The following NBAS variants were observed in gnomAD, a reference collection of about 807,000 sequenced individuals.
The protein encoded by NBAS is NBAS subunit of NRZ tethering complex.
A neutral mutation model predicts 302.5 loss-of-function variants in NBAS; 219 were observed. That is an observed-to-expected ratio of 0.72 (90% confidence interval 0.65 to 0.81). NBAS has a LOEUF of 0.81. Ranked by LOEUF, NBAS falls within the 30% of genes least tolerant of loss-of-function variation. NBAS has a pLI of 0.00. For synonymous variants in NBAS, 1,118 were observed against 1,021.6 expected, an observed-to-expected ratio of 1.09 and a Z score of -1.80; for missense variants, 2,932 against 2,841.6, an observed-to-expected ratio of 1.03 and a Z score of -0.72.
At chr2:14,852,959 C>T in the NBAS span, among the ~76,000 whole-genome samples, 30 of 147,900 alleles carry the variant, frequency 2.0e-4, no homozygotes, top group African/African-American at 7.6e-4. Flanking sequence ...GACCTAAAAC[C>T]ATAAAAACCC....
At chr2:15,229,351 A>AC (rs1572487478) in intron 47 of NBAS, among the ~76,000 whole-genome samples, 1 of 127,020 alleles carries the variant, frequency 7.9e-6, no homozygotes, top group African/African-American at 3.1e-5. Flanking sequence ...AAAAAACAAA[A>AC]AAAAAAAAAA....
At chr2:15,026,361 C>CA in the NBAS span, among the ~76,000 whole-genome samples, 228 of 41,720 alleles carry the variant, frequency 5.5e-3, 83 homozygotes, top group Non-Finnish European at 7.6e-3. Flanking sequence ...GAGGCTGAGG[C>CA]AGGAGAATGG....
At chr2:15,365,671 TTC>T (rs1053055440) in intron 32 of NBAS, among the ~76,000 whole-genome samples, 1 of 152,152 alleles carries the variant, frequency 6.6e-6, no homozygotes, top group African/African-American at 2.4e-5. Context: ...ATGCTATACC[TTC>T]ACACAGACTA....
At chr2:15,324,361 A>C (rs1671966123) in intron 38 of NBAS, among the ~76,000 whole-genome samples, 1 of 152,182 alleles carries the variant, frequency 6.6e-6, no homozygotes, top group Admixed American at 6.5e-5. Context: ...CTCTCCAGGT[A>C]TTGGAATAGC....
downstream of NBAS, among the ~76,000 whole-genome samples, chr2:15,166,058 G>A (rs557599824): frequency 6.6e-6 from 1 of 152,122 alleles, no homozygotes; most frequent in East Asian, 1.9e-4. Flanking sequence ...TGAGTCTCAG[G>A]GGGGGCGAAG....
At chr2:14,854,574 G>T in the NBAS span, among the ~76,000 whole-genome samples, 1 of 151,764 alleles carries the variant, frequency 6.6e-6, no homozygotes, top group Non-Finnish European at 1.5e-5. Context: ...TGCAGACCCC[G>T]CTCCTCCCCT....
intron 32 of NBAS, among the ~76,000 whole-genome samples, chr2:15,360,384 G>A (rs1483316482): frequency 6.7e-6 from 1 of 150,286 alleles, no homozygotes; most frequent in Admixed American, 6.6e-5. Context: ...GCCTAGGCTG[G>A]AGTGTAATGG....
rs1365394526 is a variant in NBAS, at chr2:15,330,730, G to A, written c.4215C>T (p.Asp1405=). 5 of 1,613,856 alleles carry A rather than the reference G, an allele frequency of 3.1e-6. No homozygotes were observed. The South Asian group carries it at 3.3e-5, about 11-fold the overall frequency. Residue 1405 remains aspartate (D), a synonymous_variant, in exon 36 of 52, where the codon GAC becomes GAT. Coordinates refer to ENST00000281513, the MANE Select transcript of NBAS (RefSeq NM_015909.4). Reference sequence around the variant, plus strand: ...TGGTAGCAGTGGTCCAGCGCAATAGGTCAGCTGAATTGCTACCTGGAACAC... The same window carrying A: ...TGGTAGCAGTGGTCCAGCGCAATAGATCAGCTGAATTGCTACCTGGAACAC... ...EVGVPGSNSA[D]LLRWTTATTM...
chr2:15,155,608 G>A, the NBAS span, among the ~76,000 whole-genome samples: 18,909 of 152,098 alleles, frequency 0.12, 1,479 homozygotes, highest in South Asian at 0.24. Flanking sequence ...TTGACTTCAG[G>A]AGCAGATGGT....
At position 15,420,233 on chromosome 2, in the gene NBAS, C is replaced by T. The variant is rs111928519; in HGVS notation, c.2578-2521G>A. On this transcript the variant is annotated intron_variant, in intron 23 of 51. Transcript: ENST00000281513. ...AACACCTTAAAAATATCACAGAAGC[C>T]GAAGAAGAATTACAAGAAAGAAGCA... Among the ~76,000 whole-genome samples, 1,080 of 152,070 alleles carry T rather than the reference C, an allele frequency of 7.1e-3. 10 individuals are homozygous for T. Among genetic ancestry groups the T allele is most frequent in the African/African-American group, 0.022 (919 of 41,458 alleles).
intron 48 of NBAS, among the ~76,000 whole-genome samples, chr2:15,216,006 T>C (rs569786875): frequency 1.3e-5 from 2 of 152,360 alleles, no homozygotes; most frequent in South Asian, 4.1e-4. Flanking sequence ...ACAATACTTC[T>C]GCATTCACTC....
At chr2:15,291,959 A>G (rs2148110706) in intron 41 of NBAS, among the ~76,000 whole-genome samples, 2 of 152,318 alleles carry the variant, frequency 1.3e-5, no homozygotes, top group East Asian at 3.9e-4. Flanking sequence ...TTAAAAAATA[A>G]GCTTAAAAAA....
the NBAS span, among the ~76,000 whole-genome samples, chr2:14,912,702 T>TAA: frequency 1.2e-3 from 125 of 101,256 alleles, no homozygotes; most frequent in African/African-American, 3.6e-3. Context: ...GCATTCATTT[T>TAA]TAAAAAAAAA....
chr2:15,472,447 T>C (rs1030943183), intron 16 of NBAS, among the ~76,000 whole-genome samples: 1 of 151,682 alleles, frequency 6.6e-6, no homozygotes, highest in Admixed American at 6.6e-5. Flanking sequence ...CCTATAGGAG[T>C]AGACAGTTTT....
chr2:14,975,472 A>T, the NBAS span, among the ~76,000 whole-genome samples: 3 of 152,186 alleles, frequency 2.0e-5, no homozygotes, highest in African/African-American at 7.2e-5. Flanking sequence ...AGCAAATGTA[A>T]TTCTTATTCA....
chr2:14,942,322 G>A, the NBAS span, among the ~76,000 whole-genome samples: 1 of 152,162 alleles, frequency 6.6e-6, no homozygotes, highest in African/African-American at 2.4e-5. Flanking sequence ...TGGATCATGG[G>A]AGTGGATTTC....
chr2:15,014,959 T>G, the NBAS span, among the ~76,000 whole-genome samples: 1 of 151,794 alleles, frequency 6.6e-6, no homozygotes, highest in Non-Finnish European at 1.5e-5. Flanking sequence ...ACATTACAAT[T>G]GATACCACAG....
chr2:15,394,396 A>G, intron 27 of NBAS, 47 bp from the exon 28 acceptor site: 11 of 1,602,188 alleles, frequency 6.9e-6, no homozygotes, highest in Non-Finnish European at 9.4e-6. Flanking sequence ...CCAAACAAAA[A>G]GAGTCTAAGA....
chr2:15,251,812 T>G (rs1302007975), intron 44 of NBAS, among the ~76,000 whole-genome samples: 3 of 152,168 alleles, frequency 2.0e-5, no homozygotes, highest in Non-Finnish European at 4.4e-5. Flanking sequence ...GATGTGTATC[T>G]TGTGCCGACT....
Sources: allele counts gnomAD v4.1 joint callset (sites outside exome capture counted in the v4.1 genomes callset), GRCh38; gene constraint gnomAD v4.1.1; transcripts MANE v1.5; gene names NCBI Gene and HGNC (gene_info 2026-07-23, HGNC 2026-07-21).